Variants in RHOC observed in about 807,000 individuals in gnomAD.
The protein encoded by RHOC is rho-related GTP-binding protein RhoC.
RHOC carries 13 observed loss-of-function variants against 19.5 expected under a neutral mutation model. The observed-to-expected ratio is 0.67, with a 90% CI of 0.43 to 1.06. The LOEUF is 1.06. RHOC is among the 50% of genes least tolerant of loss of function. The pLI, the probability that RHOC is intolerant of heterozygous loss-of-function variation, is 0.00. For missense variants in RHOC, 173 were observed against 256.9 expected (o/e 0.67, Z 2.23); for synonymous variants, 106 against 97.3 (o/e 1.09, Z -0.52).
intron 2 of RHOC, chr1:112,704,470 T>G: frequency 6.5e-6 from 1 of 153,522 alleles, no homozygotes; most frequent in Non-Finnish European, 1.5e-5. Flanking sequence ...CTTTCCATTT[T>G]GACAAACCAG....
At position 112,702,605 on chromosome 1, in the gene RHOC, C is replaced by T. The variant is rs767678397; in HGVS notation, c.366G>A (p.Arg122=). ...GCTCTCTCCTGGTGTGCTCGTCTTG[C>T]CTCAGGTCCTTCTTATTCCCCACCA... is the stretch of plus-strand genomic sequence containing the variant. ...IILVGNKKDL[R]QDEHTRRELA... The change falls in exon 5 of 6, where the codon AGG becomes AGA. Residue 122 remains arginine (R), a synonymous_variant. Transcript: ENST00000339083. The T allele has an allele frequency of 5.1e-5, 82 of 1,613,982 alleles. No homozygotes were observed. The East Asian group carries it at 1.8e-3, about 36-fold the overall frequency.
At chr1:112,702,360 A>C (rs2101459431) in intron 5 of RHOC, among the ~76,000 whole-genome samples, 1 of 152,288 alleles carries the variant, frequency 6.6e-6, no homozygotes, top group South Asian at 2.1e-4. Context: ...AACTGGAATA[A>C]ATAAAAATGC....
At chr1:112,702,900 C>T in intron 4 of RHOC, 99 bp downstream of exon 4, 1 of 1,353,878 alleles carries the variant, frequency 7.4e-7, no homozygotes, top group Non-Finnish European at 1.0e-6. Context: ...TCCCCTGCAT[C>T]CCCACCCCCA....
At chr1:112,706,884 C>T (rs987474785) in intron 1 of RHOC, 194 bp downstream of exon 1, 1 of 151,940 alleles carries the variant, frequency 6.6e-6, no homozygotes, top group Non-Finnish European at 1.5e-5. Flanking sequence ...CGCTGCAGCC[C>T]GGGGAGGGGC....
intron 3 of RHOC, 173 bp from the exon 4 acceptor site, chr1:112,703,292 A>C (rs1171495479): frequency 1.3e-6 from 1 of 779,164 alleles, no homozygotes; most frequent in Non-Finnish European, 2.1e-6. Context: ...AGTTTGTTAA[A>C]GAAATCTAAG....
chr1:112,701,806 C>T, intron 5 of RHOC, 93 bp from the exon 6 acceptor site: 1 of 1,413,270 alleles, frequency 7.1e-7, no homozygotes, highest in Non-Finnish European at 9.9e-7. Context: ...GAACAAATGC[C>T]TCCTTCTCCA....
intron 2 of RHOC, 60 bp from the exon 3 acceptor site, chr1:112,703,866 C>T (rs1017891315): frequency 2.0e-6 from 3 of 1,514,770 alleles, no homozygotes; most frequent in Non-Finnish European, 2.7e-6. Flanking sequence ...AAACACTTCT[C>T]TAGGGCCCCC....
At chr1:112,704,134 C>T (rs772504227) in intron 2 of RHOC, 4 of 262,270 alleles carry the variant, frequency 1.5e-5, no homozygotes, top group Non-Finnish European at 2.9e-5. Context: ...CTCAGGGATG[C>T]GGGACGTCCA....
At position 112,701,459 on chromosome 1, in the gene RHOC, C is replaced by T. The variant is rs1674625548; in HGVS notation, c.*81G>A. 6.2e-7 allele frequency: 1 copy of T among 1,613,376 alleles called. No homozygotes were observed. On this transcript the variant is annotated 3_prime_UTR_variant, in exon 6 of 6. Coordinates refer to ENST00000339083, the MANE Select transcript of RHOC (RefSeq NM_175744.5). ...AAAATGGGAGCCTTCAGCATGGAGC[C>T]CTCAGGAGGCTGGGGTTGTAGGGGG...
chr1:112,702,112 C>T (rs1025420532), intron 5 of RHOC, among the ~76,000 whole-genome samples: 3 of 152,208 alleles, frequency 2.0e-5, no homozygotes, highest in East Asian at 1.9e-4. Flanking sequence ...CTCTAATAAA[C>T]TCTAGTCCTC....
chr1:112,705,047 T>C, intron 2 of RHOC, 53 bp downstream of exon 2: 1 of 702,264 alleles, frequency 1.4e-6, no homozygotes, highest in Non-Finnish European at 2.6e-6. Context: ...GCACAGTTCA[T>C]CACACCTTCG....
rs1004790247 is a variant in RHOC, at chr1:112,705,138, G to C, written c.-46C>G. The C allele has an allele frequency of 2.8e-6, 2 of 702,486 alleles. No individual in the cohort carries two copies. The highest frequency in any genetic ancestry group is 2.0e-5 in the Admixed American group (1 of 50,014). 43.5% of individuals were successfully genotyped at this position (702,486 alleles called of 1,614,324 possible). A position where few individuals can be genotyped will look rare whatever the true frequency, so the allele number is the denominator to read the frequency against. On this transcript the variant is annotated 5_prime_UTR_variant, in exon 2 of 6. Coordinates refer to ENST00000339083, the MANE Select transcript of RHOC (RefSeq NM_175744.5). ...AAGTTCCCAGGCTGCAGGAAGAGAG[G>C]GCGGGCTCTGGAGCTGAGATGAAGT...
chr1:112,703,944 AC>A (rs1228600248), intron 2 of RHOC, 138 bp from the exon 3 acceptor site: 7 of 729,424 alleles, frequency 9.6e-6, no homozygotes, highest in Non-Finnish European at 1.5e-5. Context: ...TTCTGGCAAA[AC>A]ACCAATTGTG....
In RHOC at chr1:112,702,699, T is replaced by C; in HGVS notation, c.278-6A>G. The C allele has an allele frequency of 6.2e-7, 1 of 1,614,082 alleles. No individual in the cohort carries two copies. Among genetic ancestry groups the C allele is most frequent in the Non-Finnish European group, 8.5e-7 (1 of 1,179,976 alleles). On this transcript the variant is annotated splice_polypyrimidine_tract_variant and splice_region_variant and intron_variant, in intron 4 of 5. Transcript: ENST00000339083. ...CCACTTCTCAGGAATGTTTTCTGTGTAGACATGCACCAACAGGTGTCGGTG... is the reference window on the plus strand; with the variant it reads ...CCACTTCTCAGGAATGTTTTCTGTGCAGACATGCACCAACAGGTGTCGGTG...
chr1:112,706,014 A>G (rs1024120581), intron 1 of RHOC: 2 of 231,924 alleles, frequency 8.6e-6, no homozygotes, highest in African/African-American at 2.2e-5. Flanking sequence ...CCAGGACACT[A>G]GGCCCAAGGC....
At chr1:112,703,198 T>G (rs1674717224) in intron 3 of RHOC, 79 bp from the exon 4 acceptor site, 2 of 1,543,420 alleles carry the variant, frequency 1.3e-6, no homozygotes, top group South Asian at 2.3e-5. Context: ...CCACTGTCCT[T>G]CGGGCTCACT....
rs984022922 is a variant in RHOC, at chr1:112,701,295, G to A, written c.*245C>T. Reference sequence around the variant, plus strand: ...TGCTGGTGTGTGACCATCCTTTGGGGAAGGTCAAAGGGGGCAAGATCCCCA... The same window carrying A: ...TGCTGGTGTGTGACCATCCTTTGGGAAAGGTCAAAGGGGGCAAGATCCCCA... On this transcript the variant is annotated 3_prime_UTR_variant, in exon 6 of 6. Transcript: ENST00000339083. 2 of 1,062,050 alleles carry A rather than the reference G, an allele frequency of 1.9e-6. No individual in the cohort carries two copies. The highest frequency in any genetic ancestry group is 2.7e-6 in the Non-Finnish European group (2 of 746,702). The allele number at this position is 1,062,050 out of a possible 1,614,324, so 65.8% of individuals were successfully genotyped here.
At chr1:112,702,261 G>A (rs1390899656) in intron 5 of RHOC, among the ~76,000 whole-genome samples, 1 of 152,000 alleles carries the variant, frequency 6.6e-6, no homozygotes, top group Non-Finnish European at 1.5e-5. Context: ...GCACAGCCTG[G>A]GTATCCCAAG....
chr1:112,706,519 C>CAA (rs1674896832), intron 1 of RHOC, among the ~76,000 whole-genome samples: 8 of 90,458 alleles, frequency 8.8e-5, no homozygotes, highest in Admixed American at 5.7e-4. Context: ...CACACACACA[C>CAA]ACACACACAC....
Sources: gnomAD v4.1 joint callset for allele counts (sites outside exome capture counted in the v4.1 genomes callset) on GRCh38, gnomAD v4.1.1 for gene constraint, MANE v1.5 for transcripts, NCBI Gene and HGNC (gene_info 2026-07-23, HGNC 2026-07-21) for gene names.